The following CFAP300 variants were observed in gnomAD, a reference collection of about 807,000 sequenced individuals.
CFAP300 encodes the protein cilia and flagella associated protein 300, also known as cilia- and flagella-associated protein 300.
CFAP300 carries 32 observed loss-of-function variants against 33.0 expected under a neutral mutation model. That is an observed-to-expected ratio of 0.97 (90% CI 0.73 to 1.30). The LOEUF (loss-of-function observed/expected upper bound fraction) is 1.30. CFAP300 is among the 50% of genes most tolerant of loss of function. The probability of loss-of-function intolerance (pLI) is 0.00; values close to 1 mark genes in which losing one functional copy is unlikely to be tolerated. For missense variants in CFAP300, 356 were observed against 318.1 expected (o/e 1.12, Z -0.90); for synonymous variants, 102 against 106.8 (o/e 0.95, Z 0.28).
At chr11:102,081,571 A>G (rs1373857266) in intron 6 of CFAP300, 8 of 455,556 alleles carry the variant, frequency 1.8e-5, no homozygotes, top group African/African-American at 2.0e-5. Context: ...TAGTCTGTCA[A>G]ACCATCATTT....
chr11:102,066,757 C>A, intron 4 of CFAP300, 106 bp downstream of exon 4: 1 of 892,526 alleles, frequency 1.1e-6, no homozygotes, highest in Non-Finnish European at 1.7e-6. Flanking sequence ...TCATAAAATA[C>A]CACCTATTTA....
intron 3 of CFAP300, among the ~76,000 whole-genome samples, chr11:102,059,795 A>G (rs540984957): frequency 6.6e-6 from 1 of 150,528 alleles, no homozygotes; most frequent in East Asian, 2.0e-4. Context: ...TCACAGAGGA[A>G]TCAGCCAACC....
rs745839898 is a variant in CFAP300, at chr11:102,058,881, CT to C, written c.200del (p.Phe67SerfsTer10). The part of the protein sequence containing the change: ...QSYRKDDFVM[A>X]FFKDPNVIPN... ...ATTCCCCTCAAATTTGTATTTTAGG[CT>C]TTTTTCAAAGACCCAAATGTTATTC... On this transcript the variant is annotated frameshift_variant and splice_region_variant, in exon 3 of 7. Transcript: ENST00000434758. LOFTEE classifies it high-confidence loss of function. 1 of 1,562,396 alleles carries C rather than the reference CT, an allele frequency of 6.4e-7. No individual in the cohort carries two copies. The highest frequency in any genetic ancestry group is 1.9e-4 in the Middle Eastern group (1 of 5,338).
At chr11:102,067,945 A>G (rs1052465904) in intron 4 of CFAP300, among the ~76,000 whole-genome samples, 1 of 152,200 alleles carries the variant, frequency 6.6e-6, no homozygotes, top group African/African-American at 2.4e-5. Context: ...TGATATTATC[A>G]TCGTTACAAT....
intron 2 of CFAP300, among the ~76,000 whole-genome samples, chr11:102,058,343 G>A (rs1296330834): frequency 1.3e-5 from 2 of 151,654 alleles, no homozygotes; most frequent in African/African-American, 4.8e-5. Flanking sequence ...AACAAGGTTC[G>A]AGGATGGCAC....
chr11:102,064,040 C>T (rs1218962466), intron 3 of CFAP300, among the ~76,000 whole-genome samples: 1 of 152,132 alleles, frequency 6.6e-6, no homozygotes, highest in South Asian at 2.1e-4. Flanking sequence ...ACTACCATCA[C>T]GTTGAGGGTT....
At chr11:102,075,226 A>G (rs1420785025) in intron 4 of CFAP300, among the ~76,000 whole-genome samples, 1 of 151,798 alleles carries the variant, frequency 6.6e-6, no homozygotes, top group Non-Finnish European at 1.5e-5. Context: ...AGTGGTCTGT[A>G]TTTCCCAATG....
chr11:102,073,041 T>G lies in CFAP300; in HGVS notation c.436-2832T>G, dbSNP rs367664086. Among the ~76,000 whole-genome samples, 104 of 152,258 alleles carry G rather than the reference T, an allele frequency of 6.8e-4. No homozygotes were observed. In the Middle Eastern group the frequency reaches 0.01, roughly 15 times the overall value. ...GCAGCTGGCCAAAGCACACCTGTCC[T>G]TGGGCCCCTGAGCAGTGTAGGCAGG... On this transcript the variant is annotated intron_variant, in intron 4 of 6. Transcript: ENST00000434758.
intron 2 of CFAP300, among the ~76,000 whole-genome samples, chr11:102,050,364 G>A (rs1440056092): frequency 6.6e-6 from 1 of 152,128 alleles, no homozygotes; most frequent in East Asian, 1.9e-4. Flanking sequence ...TTTGACTCTA[G>A]AAACCATGCT....
At chr11:102,077,648 C>G (rs534824618) in intron 5 of CFAP300, among the ~76,000 whole-genome samples, 1 of 152,218 alleles carries the variant, frequency 6.6e-6, no homozygotes, top group Non-Finnish European at 1.5e-5. Flanking sequence ...GATCTCAGCT[C>G]ACTGCAACCT....
Position 102,052,837 on chromosome 11 carries a change from A to G in CFAP300, c.192+4941A>G, listed in dbSNP as rs138271504. Among the ~76,000 whole-genome samples, 884 of 152,300 alleles carry G rather than the reference A, an allele frequency of 5.8e-3. 7 individuals are homozygous for G. The highest frequency in any genetic ancestry group is 0.014 in the Middle Eastern group (4 of 294). On this transcript the variant is annotated intron_variant, in intron 2 of 6. Transcript: ENST00000434758. The stretch of plus-strand genomic sequence containing the variant: ...TACAACAGTAGCCTTCCTCCTAGCT[A>G]GTCTTTTTCCAGCCCTTCAATTCAT...
At chr11:102,055,671 C>CTTT (rs1264720064) in intron 2 of CFAP300, among the ~76,000 whole-genome samples, 9 of 112,592 alleles carry the variant, frequency 8.0e-5, no homozygotes, top group South Asian at 2.9e-4. Flanking sequence ...CTAAACTACC[C>CTTT]TTTTTTTTTT....
At chr11:102,072,693 G>A (rs1389438479) in intron 4 of CFAP300, among the ~76,000 whole-genome samples, 2 of 152,080 alleles carry the variant, frequency 1.3e-5, no homozygotes, top group African/African-American at 4.8e-5. Flanking sequence ...CTTTGGAGGT[G>A]TCATCTTTTC....
At chr11:102,059,332 T>C (rs1942108592) in intron 3 of CFAP300, among the ~76,000 whole-genome samples, 1 of 150,796 alleles carries the variant, frequency 6.6e-6, no homozygotes, top group Non-Finnish European at 1.5e-5. Flanking sequence ...TATGTACTAA[T>C]ATGTCAAAGG....
intron 5 of CFAP300, among the ~76,000 whole-genome samples, chr11:102,077,692 A>G (rs1219765034): frequency 6.6e-6 from 1 of 152,162 alleles, no homozygotes; most frequent in Non-Finnish European, 1.5e-5. Context: ...CTCCTGCTTC[A>G]GTCTCCCAAG....
At chr11:102,077,741 A>T (rs1565398158) in intron 5 of CFAP300, among the ~76,000 whole-genome samples, 1 of 151,946 alleles carries the variant, frequency 6.6e-6, no homozygotes, top group African/African-American at 2.4e-5. Flanking sequence ...TGCCTGGCTA[A>T]TTTCTTTATT....
chr11:102,066,908 G>A lies in CFAP300; in HGVS notation c.435+257G>A, dbSNP rs79532165. 9.2e-3 allele frequency among the ~76,000 whole-genome samples: 1,400 copies of A among 152,280 alleles called. 22 individuals carry two copies. The highest frequency in any genetic ancestry group is 0.032 in the African/African-American group (1,323 of 41,552). The stretch of plus-strand genomic sequence containing the variant: ...CTGATGGGTAGAGATGCTGCGAAAC[G>A]TCATATAACTCACAGGACAGTCACA... On this transcript the variant is annotated intron_variant, in intron 4 of 6. Coordinates refer to ENST00000434758, the MANE Select transcript of CFAP300 (RefSeq NM_032930.3).
intron 6 of CFAP300, among the ~76,000 whole-genome samples, chr11:102,081,823 G>A (rs183024952): frequency 3.1e-4 from 46 of 150,782 alleles, no homozygotes; most frequent in African/African-American, 1.0e-3. Context: ...CCTGGGAGGC[G>A]GAGGTTGCAG....
chr11:102,080,512 G>A (rs1942458685), intron 5 of CFAP300, among the ~76,000 whole-genome samples: 1 of 152,048 alleles, frequency 6.6e-6, no homozygotes, highest in Non-Finnish European at 1.5e-5. Context: ...CCGCCTCCCA[G>A]GTTCAAGCGA....
Sources: gnomAD v4.1 joint callset for allele counts (sites outside exome capture counted in the v4.1 genomes callset) on GRCh38, gnomAD v4.1.1 for gene constraint, MANE v1.5 for transcripts, NCBI Gene and HGNC (gene_info 2026-07-23, HGNC 2026-07-21) for gene names.